The following FHIT variants were observed in gnomAD, a reference collection of about 807,000 sequenced individuals.
FHIT encodes the protein bis(5'-adenosyl)-triphosphatase.
A neutral mutation model predicts 17.9 loss-of-function variants in FHIT; 19 were observed. The ratio of observed to expected loss-of-function variants is 1.06; its 90% CI spans 0.74 to 1.56. The LOEUF is 1.56. Ranked by LOEUF, FHIT falls within the 40% of genes most tolerant of loss-of-function variation. The pLI, the probability that FHIT is intolerant of heterozygous loss-of-function variation, is 0.00. For synonymous variants in FHIT, 81 were observed against 69.7 expected, an observed-to-expected ratio of 1.16 and a Z score of -0.81; for missense variants, 248 against 189.2, an observed-to-expected ratio of 1.31 and a Z score of -1.82.
rs940481226 is a variant in FHIT, at chr3:60,430,629, C to A, written c.103+106231G>T. Among the ~76,000 whole-genome samples, 24 of 152,178 alleles carry A rather than the reference C, an allele frequency of 1.6e-4. 1 individual carries two copies. Among genetic ancestry groups the A allele is most frequent in the Admixed American group, 1.3e-3 (20 of 15,272 alleles). On this transcript the variant is annotated intron_variant, in intron 5 of 9. Transcript: ENST00000492590. ...CTCTAAGGCAGGATACTTCACTCTT[C>A]ACTGTATTTTTATAACTCTCATCTG...
At chr3:61,071,960 C>T (rs1326876643) in intron 2 of FHIT, among the ~76,000 whole-genome samples, 3 of 152,034 alleles carry the variant, frequency 2.0e-5, no homozygotes, top group Non-Finnish European at 4.4e-5. Flanking sequence ...TGACATTTTC[C>T]CTGGAATATT....
intron 5 of FHIT, among the ~76,000 whole-genome samples, chr3:60,063,326 T>C (rs901082258): frequency 6.6e-6 from 1 of 152,078 alleles, no homozygotes; most frequent in African/African-American, 2.4e-5. Flanking sequence ...ATAAGCAAAA[T>C]AAAAATCATC....
intron 5 of FHIT, among the ~76,000 whole-genome samples, chr3:60,100,383 C>CAA (rs532822371): frequency 6.8e-6 from 1 of 147,376 alleles, no homozygotes; most frequent in East Asian, 2.0e-4. Context: ...GACTCTGCCT[C>CAA]AAAAAAAAAA....
chr3:59,771,661 G>A (rs577885364), intron 8 of FHIT, among the ~76,000 whole-genome samples: 1 of 152,200 alleles, frequency 6.6e-6, no homozygotes, highest in South Asian at 2.1e-4. Context: ...AGCAGGAAGG[G>A]TTGTCCTAAG....
intron 5 of FHIT, among the ~76,000 whole-genome samples, chr3:60,495,613 T>C (rs1202503242): frequency 6.6e-6 from 1 of 152,040 alleles, no homozygotes; most frequent in Non-Finnish European, 1.5e-5. Flanking sequence ...ATTGTGTTCA[T>C]AACTGGGGAT....
rs397876939 is a variant in FHIT, at chr3:61,203,179, C to CAAAAAA, written c.-212-2520_-212-2515dup. 5.4e-3 allele frequency among the ~76,000 whole-genome samples: 462 copies of CAAAAAA among 86,288 alleles called. 6 individuals carry two copies. Among genetic ancestry groups the CAAAAAA allele is most frequent in the African/African-American group, 0.019 (378 of 19,920 alleles). 56.6% of individuals were successfully genotyped at this position (86,288 alleles called of 152,430 possible). ...TGGGCAACAGAGCGAGACTCCGTCT[C>CAAAAAA]AAAAAAAAAAAAAAAAAAAATTAGC... is the stretch of plus-strand genomic sequence containing the variant. On this transcript the variant is annotated intron_variant, in intron 1 of 9. Coordinates refer to ENST00000492590, the MANE Select transcript of FHIT (RefSeq NM_002012.4).
chr3:59,949,299 A>G (rs1706994976), intron 7 of FHIT, among the ~76,000 whole-genome samples: 1 of 152,158 alleles, frequency 6.6e-6, no homozygotes, highest in Non-Finnish European at 1.5e-5. Flanking sequence ...TATCCTGTCT[A>G]TCTTGAGTCT....
intron 5 of FHIT, among the ~76,000 whole-genome samples, chr3:60,323,619 T>C (rs1709533323): frequency 1.3e-5 from 2 of 152,336 alleles, no homozygotes; most frequent in Middle Eastern, 3.4e-3. Context: ...TTGATCTTCA[T>C]GATTTTGCTC....
intron 2 of FHIT, among the ~76,000 whole-genome samples, chr3:61,181,496 C>T (rs978022131): frequency 5.9e-5 from 9 of 152,134 alleles, no homozygotes; most frequent in African/African-American, 2.2e-4. Context: ...AAAAAACAGT[C>T]ATCCAGAATC....
At chr3:60,364,781 G>A (rs989888158) in intron 5 of FHIT, among the ~76,000 whole-genome samples, 2 of 152,128 alleles carry the variant, frequency 1.3e-5, no homozygotes, top group South Asian at 2.1e-4. Context: ...ATATGGATGG[G>A]CATCATTTAA....
intron 5 of FHIT, among the ~76,000 whole-genome samples, chr3:60,176,047 A>T (rs1701654231): frequency 1.3e-5 from 2 of 152,180 alleles, no homozygotes; most frequent in South Asian, 4.1e-4. Flanking sequence ...TTAAACTCAA[A>T]GTTAAATTTA....
intron 7 of FHIT, among the ~76,000 whole-genome samples, chr3:59,982,325 T>C (rs905490506): frequency 3.3e-5 from 5 of 151,568 alleles, no homozygotes; most frequent in Non-Finnish European, 7.4e-5. Context: ...CAACAAAAAA[T>C]CCCCCAAGAA....
At position 60,361,223 on chromosome 3, in the gene FHIT, T is replaced by C. The variant is rs1299078731; in HGVS notation, c.103+175637A>G. ...TGGGGAGAAGTAAACAGATAGATTA[T>C]AATACAATGCTATAAAGAAGAGATG... On this transcript the variant is annotated intron_variant, in intron 5 of 9. Transcript: ENST00000492590. Among the ~76,000 whole-genome samples, 3 of 152,184 alleles carry C rather than the reference T, an allele frequency of 2.0e-5. No homozygotes were observed. In the East Asian group the frequency reaches 5.8e-4, roughly 29 times the overall value.
intron 3 of FHIT, among the ~76,000 whole-genome samples, chr3:61,026,293 T>C (rs567176547): frequency 5.3e-4 from 81 of 152,264 alleles, no homozygotes; most frequent in Admixed American, 2.0e-3. Context: ...CCAAGAGTGT[T>C]TGGGGGGCCT....
At chr3:59,951,136 G>A (rs1372798319) in intron 7 of FHIT, among the ~76,000 whole-genome samples, 3 of 152,178 alleles carry the variant, frequency 2.0e-5, no homozygotes, top group African/African-American at 7.2e-5. Context: ...GGCTTAGGAA[G>A]GTTAAGGGAT....
At chr3:60,693,405 T>G (rs2041038506) in intron 4 of FHIT, among the ~76,000 whole-genome samples, 1 of 152,192 alleles carries the variant, frequency 6.6e-6, no homozygotes, top group Non-Finnish European at 1.5e-5. Context: ...TTTTTAAAGT[T>G]TCTCTCTATC....
At chr3:60,328,959 T>C (rs1293761715) in intron 5 of FHIT, among the ~76,000 whole-genome samples, 4 of 152,188 alleles carry the variant, frequency 2.6e-5, no homozygotes, top group Admixed American at 2.0e-4. Flanking sequence ...AGGACCTCAA[T>C]ACACAATAGA....
chr3:60,675,527 T>G (rs1046128642), intron 4 of FHIT, among the ~76,000 whole-genome samples: 1 of 152,338 alleles, frequency 6.6e-6, no homozygotes, highest in East Asian at 1.9e-4. Flanking sequence ...ACAAGGAAGT[T>G]TAGAGATTAC....
chr3:60,390,396 T>TAAAAAAAAAAAAAAAAAAAAAAAAAA (rs869078939), intron 5 of FHIT, among the ~76,000 whole-genome samples: 1 of 32,026 alleles, frequency 3.1e-5, no homozygotes, highest in African/African-American at 1.2e-4. Context: ...GTAATGGAGC[T>TAAAAAAAAAAAAAAAAAAAAAAAAAA]AAAAAAAAAA....
Sources: allele counts gnomAD v4.1 joint callset (sites outside exome capture counted in the v4.1 genomes callset), GRCh38; gene constraint gnomAD v4.1.1; transcripts MANE v1.5; gene names NCBI Gene and HGNC (gene_info 2026-07-23, HGNC 2026-07-21).